GATA3: variants seen among roughly 807,000 people sequenced by gnomAD.
GATA3 encodes GATA binding protein 3.
GATA3 carries 6 observed loss-of-function variants against 36.0 expected under a neutral mutation model. The observed-to-expected ratio is 0.17, with a 90% CI of 0.09 to 0.33. The LOEUF (loss-of-function observed/expected upper bound fraction) is 0.33, where lower values mean the gene tolerates loss of function less well. GATA3 is among the 10% of genes least tolerant of loss of function. The pLI, the probability that GATA3 is intolerant of heterozygous loss-of-function variation, is 1.00. For synonymous variants in GATA3, 326 were observed against 273.0 expected (o/e 1.19, Z -1.92); for missense variants, 514 against 610.1 (o/e 0.84, Z 1.66).
Position 8,055,770 on chromosome 10 carries a change from G to A in GATA3, c.115G>A (p.Ala39Thr). 6.3e-7 allele frequency: 1 copy of A among 1,591,098 alleles called. No individual in the cohort carries two copies. The highest frequency in any genetic ancestry group is 8.6e-7 in the Non-Finnish European group (1 of 1,168,844). ...PGLSHSYMDA[A>T]QYPLPEEVDV... ...CCTCAGCCACTCCTACATGGACGCGGCGCAGTACCCGCTGCCGGAGGAGGT... is the reference window on the plus strand; with the variant it reads ...CCTCAGCCACTCCTACATGGACGCGACGCAGTACCCGCTGCCGGAGGAGGT... The change falls in exon 2 of 6, where the codon GCG becomes ACG. Residue 39 changes from alanine to threonine, a missense_variant. This residue lies in a region of GATA3 where 381 missense variants were observed against 354.3 expected (regional missense o/e 1.08). Coordinates refer to ENST00000379328, the MANE Select transcript of GATA3 (RefSeq NM_001002295.2). This position sits in a 1 kb window ranked among gnomAD's most constrained non-coding sequence, Gnocchi z 5.4.
intron 3 of GATA3, among the ~76,000 whole-genome samples, chr10:8,061,570 C>G (rs1832749618): frequency 6.6e-6 from 1 of 152,212 alleles, no homozygotes; most frequent in Non-Finnish European, 1.5e-5. Flanking sequence ...ATTAGGAAAA[C>G]TGGCTGTTTG....
chr10:8,074,131 T>G lies in GATA3; in HGVS notation c.*108T>G. The G allele has an allele frequency of 7.7e-7, 1 of 1,304,332 alleles. No homozygotes were observed. The highest frequency in any genetic ancestry group is 1.0e-6 in the Non-Finnish European group (1 of 954,252). 80.8% of individuals were successfully genotyped at this position (1,304,332 alleles called of 1,614,324 possible). A position where few individuals can be genotyped will look rare whatever the true frequency, so the allele number is the denominator to read the frequency against. On this transcript the variant is annotated 3_prime_UTR_variant, in exon 6 of 6. Transcript: ENST00000379328. Reference sequence around the variant, plus strand: ...GAAGCCTAAACGCGATGGATATATGTTTTTGAAGGCAGAAAGCAAAATTAT... The same window carrying G: ...GAAGCCTAAACGCGATGGATATATGGTTTTGAAGGCAGAAAGCAAAATTAT...
rs376505863 is a variant in GATA3 at position 8,055,904 on chromosome 10, C to A, written c.241+8C>A. 5.8e-6 allele frequency: 9 copies of A among 1,553,936 alleles called. No individual in the cohort carries two copies. The highest frequency in any genetic ancestry group is 2.4e-5 in the East Asian group (1 of 41,110). The stretch of plus-strand genomic sequence containing the variant: ...ACCCTCCGACCCACCACGGTGAGTG[C>A]GCCCGGGGTGCCGGGGCTCCCGCCG... On this transcript the variant is annotated splice_region_variant and intron_variant, in intron 2 of 5. Coordinates refer to ENST00000379328, the MANE Select transcript of GATA3 (RefSeq NM_001002295.2). This position sits in a 1 kb window ranked among gnomAD's most constrained non-coding sequence, Gnocchi z 5.4.
At chr10:8,048,837 C>T (rs191720435), upstream of GATA3, among the ~76,000 whole-genome samples, 1 of 152,214 alleles carries the variant, frequency 6.6e-6, no homozygotes, top group Non-Finnish European at 1.5e-5. Context: ...CGCTGCACCC[C>T]TACCTACCCA....
At chr10:8,062,431 C>T (rs896739556) in intron 3 of GATA3, among the ~76,000 whole-genome samples, 7 of 150,832 alleles carry the variant, frequency 4.6e-5, no homozygotes, top group South Asian at 2.1e-4. Flanking sequence ...TTCAAGGGTG[C>T]AAGACCCTCT....
At chr10:8,064,311 C>CTTTTTTTTTTTTTT (rs59943653) in intron 4 of GATA3, among the ~76,000 whole-genome samples, 173 bp downstream of exon 4, 1 of 51,426 alleles carries the variant, frequency 1.9e-5, no homozygotes, top group African/African-American at 7.5e-5. Flanking sequence ...TCTTCTTCTT[C>CTTTTTTTTTTTTTT]TTTTTTTTTT....
chr10:8,073,365 C>A (rs1832961920), intron 5 of GATA3, among the ~76,000 whole-genome samples: 1 of 152,084 alleles, frequency 6.6e-6, no homozygotes, highest in Non-Finnish European at 1.5e-5. Flanking sequence ...CTGGGGAGTA[C>A]TTTTCAAGTT....
upstream of GATA3, among the ~76,000 whole-genome samples, chr10:8,051,860 C>T (rs1225528981): frequency 6.6e-6 from 1 of 152,132 alleles, no homozygotes. Flanking sequence ...CAGCCCGGCT[C>T]TCCGCCTCAG....
At chr10:8,062,047 C>T (rs933782193) in intron 3 of GATA3, among the ~76,000 whole-genome samples, 7 of 152,212 alleles carry the variant, frequency 4.6e-5, no homozygotes, top group South Asian at 4.1e-4. Context: ...AGGCCTGCGG[C>T]CTGGCTTGGG....
Position 8,048,599 on chromosome 10 carries a change from G to C in GATA3, c.-370+3084G>C, listed in dbSNP as rs539719047. 3.0e-3 allele frequency among the ~76,000 whole-genome samples: 451 copies of C among 152,224 alleles called. 1 individual carries two copies. The highest frequency in any genetic ancestry group is 0.01 in the African/African-American group (421 of 41,518). On this transcript the variant is annotated intron_variant, in intron 1 of 1. Coordinates refer to the GATA3 transcript ENST00000643001. The stretch of plus-strand genomic sequence containing the variant: ...TGCCTCCACCCCTTCTTTTCCTCCC[G>C]TGGCACCCACCTGTCCCCCCACCTG...
intron 1 of GATA3, among the ~76,000 whole-genome samples, chr10:8,047,412 C>T (rs1564392425): frequency 6.6e-6 from 1 of 152,246 alleles, no homozygotes. Flanking sequence ...AGTGATGTCT[C>T]ATTCTTGGTG....
chr10:8,067,746 A>T (rs998292436), intron 4 of GATA3, among the ~76,000 whole-genome samples: 1 of 152,244 alleles, frequency 6.6e-6, no homozygotes. Context: ...TGAACCCAGG[A>T]GGCGGAGCTT....
intron 3 of GATA3, 102 bp from the exon 4 acceptor site, chr10:8,063,890 GA>G: frequency 6.5e-7 from 1 of 1,537,756 alleles, no homozygotes; most frequent in South Asian, 1.1e-5. Context: ...GAGGGAGAAG[GA>G]AAAAAGTTCT....
rs1473273603 is a variant in GATA3 at position 8,055,564 on chromosome 10, G to C, written c.-92G>C. On this transcript the variant is annotated 5_prime_UTR_variant, in exon 2 of 6. Coordinates refer to ENST00000379328, the MANE Select transcript of GATA3 (RefSeq NM_001002295.2). This position sits in a 1 kb window ranked among gnomAD's most constrained non-coding sequence, Gnocchi z 5.4. ...ATTCAACGACCCCCGACCCTCCGAC[G>C]GCAGGAGCCCCCCGACCTCCCAGGC... The C allele has an allele frequency of 7.0e-7, 1 of 1,422,844 alleles. No homozygotes were observed. The highest frequency in any genetic ancestry group is 1.4e-5 in the South Asian group (1 of 73,958). 88.1% of individuals were successfully genotyped at this position (1,422,844 alleles called of 1,614,324 possible). A position where few individuals can be genotyped will look rare whatever the true frequency, so the allele number is the denominator to read the frequency against.
At chr10:8,063,493 T>C (rs1184634662) in intron 3 of GATA3, among the ~76,000 whole-genome samples, 13 of 152,212 alleles carry the variant, frequency 8.5e-5, no homozygotes, top group Non-Finnish European at 1.3e-4. Flanking sequence ...TATCTAGCCA[T>C]TGATGAATCC....
At chr10:8,061,560 A>G (rs185435271) in intron 3 of GATA3, among the ~76,000 whole-genome samples, 1 of 152,324 alleles carries the variant, frequency 6.6e-6, no homozygotes, top group East Asian at 1.9e-4. Flanking sequence ...CAGGGCCTCC[A>G]TTAGGAAAAC....
intron 1 of GATA3, among the ~76,000 whole-genome samples, chr10:8,045,807 G>T (rs11255500): frequency 5.1e-4 from 77 of 152,336 alleles, no homozygotes; most frequent in African/African-American, 1.8e-3. Context: ...CCGTGGGAAT[G>T]CTTGGAAAGG....
At chr10:8,063,227 T>C (rs890808068) in intron 3 of GATA3, among the ~76,000 whole-genome samples, 2 of 152,138 alleles carry the variant, frequency 1.3e-5, no homozygotes, top group Non-Finnish European at 2.9e-5. Context: ...CTTTTCCTTT[T>C]TCCCTCCCTC....
intron 4 of GATA3, among the ~76,000 whole-genome samples, chr10:8,069,239 T>C (rs899646853): frequency 7.9e-5 from 12 of 152,080 alleles, no homozygotes; most frequent in African/African-American, 2.9e-4. Context: ...GAGCAGCAGG[T>C]GAAACTCTGA....
Sources: gnomAD v4.1 joint callset for allele counts (sites outside exome capture counted in the v4.1 genomes callset) on GRCh38, gnomAD v4.1.1 for gene constraint, gnomAD v4.1.1 regional missense constraint, Gnocchi (gnomAD v3.1) non-coding constraint, MANE v1.5 for transcripts, NCBI Gene and HGNC (gene_info 2026-07-23, HGNC 2026-07-21) for gene names.